The following PPP3CA variants were observed in gnomAD, a reference collection of about 807,000 sequenced individuals.
PPP3CA encodes the protein protein phosphatase 3 catalytic subunit alpha.
Under a neutral mutation model 66.5 loss-of-function variants are expected in PPP3CA, and 14 were observed. The ratio of observed to expected loss-of-function variants is 0.21; its 90% confidence interval spans 0.14 to 0.33. The LOEUF is 0.33. Among genes scored for constraint, PPP3CA ranks in the 10% least tolerant of loss-of-function variants. The pLI, the probability that PPP3CA is intolerant of heterozygous loss-of-function variation, is 1.00. For synonymous variants in PPP3CA, 232 were observed against 226.2 expected (o/e 1.03, Z -0.23); for missense variants, 317 against 639.5 (o/e 0.50, Z 5.44).
intron 8 of PPP3CA, among the ~76,000 whole-genome samples, chr4:101,077,565 T>C (rs1006687591): frequency 1.3e-5 from 2 of 152,232 alleles, no homozygotes; most frequent in South Asian, 2.1e-4. Context: ...ACATACTGTA[T>C]ACACTGTTAG....
Position 101,294,572 on chromosome 4 carries a change from T to G in PPP3CA, c.58+52167A>C, listed in dbSNP as rs900601857. Among the ~76,000 whole-genome samples, 8 of 152,240 alleles carry G rather than the reference T, an allele frequency of 5.3e-5. 1 individual carries two copies. The East Asian group carries it at 1.5e-3, about 29-fold the overall frequency. ...TTAAGGCCTATATTTGTCTCTAATA[T>G]TAGTATATTCTAAGAGTATGCTTTA... On this transcript the variant is annotated intron_variant, in intron 1 of 13. Transcript: ENST00000394854.
At position 101,142,050 on chromosome 4, in the gene PPP3CA, TAA is replaced by T. The variant is rs34130592; in HGVS notation, c.260-32974_260-32973del. 3.3e-3 allele frequency among the ~76,000 whole-genome samples: 435 copies of T among 133,036 alleles called. 3 individuals carry two copies. The highest frequency in any genetic ancestry group is 6.1e-3 in the African/African-American group (236 of 38,410). 87.3% of individuals were successfully genotyped at this position (133,036 alleles called of 152,430 possible). On this transcript the variant is annotated intron_variant, in intron 2 of 13. Transcript: ENST00000394854. ...ACACCATTTAGAGGAGGAAACAAGG[TAA>T]AAAAAAAAAAAAAAGAAGAAGTTAT...
chr4:101,137,713 A>T (rs536190312), intron 2 of PPP3CA, among the ~76,000 whole-genome samples: 3 of 151,556 alleles, frequency 2.0e-5, no homozygotes, highest in Non-Finnish European at 4.4e-5. Flanking sequence ...TTTTCACAGG[A>T]TCATCATCCT....
chr4:101,145,776 T>A (rs1407282131), intron 2 of PPP3CA, among the ~76,000 whole-genome samples: 1 of 151,998 alleles, frequency 6.6e-6, no homozygotes, highest in Admixed American at 6.6e-5. Context: ...AGAAAATCCA[T>A]GTAAATAGTG....
chr4:101,225,251 A>G (rs1357719421), intron 1 of PPP3CA, among the ~76,000 whole-genome samples: 2 of 93,546 alleles, frequency 2.1e-5, no homozygotes, highest in Non-Finnish European at 5.4e-5. Flanking sequence ...TGGAAGCTTC[A>G]TGAGCATGAA....
intron 11 of PPP3CA, among the ~76,000 whole-genome samples, chr4:101,032,796 C>T (rs1287369663): frequency 6.6e-6 from 1 of 151,950 alleles, no homozygotes; most frequent in Non-Finnish European, 1.5e-5. Flanking sequence ...AAAAACAGAG[C>T]ATATGGAGAT....
At chr4:101,250,304 C>A (rs758349411) in intron 1 of PPP3CA, 7 of 455,242 alleles carry the variant, frequency 1.5e-5, no homozygotes, top group South Asian at 1.1e-4. Context: ...AATCCAAGCT[C>A]TACTTCTTAC....
chr4:101,171,427 A>G (rs533813845), intron 2 of PPP3CA, among the ~76,000 whole-genome samples: 3 of 152,254 alleles, frequency 2.0e-5, no homozygotes, highest in South Asian at 4.2e-4. Context: ...TTGCCTGTGA[A>G]GTTCCGCTAC....
chr4:101,038,359 A>G (rs1578394287), intron 11 of PPP3CA, among the ~76,000 whole-genome samples: 2 of 149,826 alleles, frequency 1.3e-5, no homozygotes, highest in Non-Finnish European at 3.0e-5. Context: ...GTTATTTAGC[A>G]CACACTTTTT....
At chr4:101,101,357 C>T (rs532051745) in intron 3 of PPP3CA, among the ~76,000 whole-genome samples, 1 of 152,206 alleles carries the variant, frequency 6.6e-6, no homozygotes, top group East Asian at 1.9e-4. Context: ...TCAAGCTTGT[C>T]TCACATTTCA....
At chr4:101,103,593 G>A (rs965020949) in intron 3 of PPP3CA, among the ~76,000 whole-genome samples, 4 of 152,164 alleles carry the variant, frequency 2.6e-5, no homozygotes, top group African/African-American at 9.7e-5. Flanking sequence ...AACATTGTCT[G>A]GTTTGCTGTG....
intron 1 of PPP3CA, among the ~76,000 whole-genome samples, chr4:101,197,581 CATCT>C (rs1724839825): frequency 6.6e-6 from 1 of 152,146 alleles, no homozygotes; most frequent in Admixed American, 6.5e-5. Flanking sequence ...GTGAGGATTA[CATCT>C]ATCTGAGGAT....
chr4:101,092,115 T>A (rs1729980192), intron 6 of PPP3CA, among the ~76,000 whole-genome samples: 1 of 151,912 alleles, frequency 6.6e-6, no homozygotes, highest in Non-Finnish European at 1.5e-5. Context: ...GATTCCTTTC[T>A]GAAGTGTTAT....
Position 101,124,717 on chromosome 4 carries a change from GAAAGAAAGAGAAAGAAAGAAAGAA to G in PPP3CA, c.260-15663_260-15640del, listed in dbSNP as rs1722161471. Among the ~76,000 whole-genome samples, 186 of 80,696 alleles carry G rather than the reference GAAAGAAAGAGAAAGAAAGAAAGAA, an allele frequency of 2.3e-3. 1 individual carries two copies. The highest frequency in any genetic ancestry group is 2.8e-3 in the Non-Finnish European group (109 of 38,932). The allele number at this position is 80,696 out of a possible 152,430, so 52.9% of individuals were successfully genotyped here. On this transcript the variant is annotated intron_variant, in intron 2 of 13. Coordinates refer to ENST00000394854, the MANE Select transcript of PPP3CA (RefSeq NM_000944.5). ...AGAAAGAAAGAAAGAAAGAAAGAAA[GAAAGAAAGAGAAAGAAAGAAAGAA>G]AGAAAGAAAGAAAGAAAGAAAGAAA...
At position 101,041,934 on chromosome 4, in the gene PPP3CA, G is replaced by A. The variant is rs182294093; in HGVS notation, c.1157-1368C>T. Among the ~76,000 whole-genome samples the A allele has an allele frequency of 2.8e-3, 336 of 118,120 alleles. 2 individuals are homozygous for A. The highest frequency in any genetic ancestry group is 4.5e-3 in the Middle Eastern group (1 of 222). 77.5% of individuals were successfully genotyped at this position (118,120 alleles called of 152,430 possible). A position where few individuals can be genotyped will look rare whatever the true frequency, so the allele number is the denominator to read the frequency against. Reference sequence around the variant, plus strand: ...TGAGTCAAGTAATTTGCTCAGGGACGGTAGTCTATAGATGATAACTGGTAT... The same window carrying A: ...TGAGTCAAGTAATTTGCTCAGGGACAGTAGTCTATAGATGATAACTGGTAT... On this transcript the variant is annotated intron_variant, in intron 10 of 13. Transcript: ENST00000394854.
intron 2 of PPP3CA, among the ~76,000 whole-genome samples, chr4:101,186,626 T>C (rs1013794972): frequency 2.0e-5 from 3 of 152,196 alleles, no homozygotes; most frequent in African/African-American, 7.2e-5. Flanking sequence ...GCGCAAAATA[T>C]GTTCATGAAA....
At chr4:101,329,023 T>A (rs986883614) in intron 1 of PPP3CA, among the ~76,000 whole-genome samples, 2 of 145,356 alleles carry the variant, frequency 1.4e-5, no homozygotes, top group Non-Finnish European at 2.9e-5. Flanking sequence ...AGTGAAAAGT[T>A]GCACATGTTT....
At chr4:101,043,150 T>C (rs999548670) in intron 10 of PPP3CA, among the ~76,000 whole-genome samples, 6 of 152,070 alleles carry the variant, frequency 3.9e-5, no homozygotes, top group African/African-American at 1.4e-4. Flanking sequence ...CTAAGACGTC[T>C]AAAAATAAAA....
At chr4:101,281,944 A>AT (rs1268477853) in intron 1 of PPP3CA, among the ~76,000 whole-genome samples, 1 of 152,182 alleles carries the variant, frequency 6.6e-6, no homozygotes, top group Non-Finnish European at 1.5e-5. Context: ...TTCAACATAC[A>AT]TTCAGTTAGA....
Sources: gnomAD v4.1 joint callset for allele counts (sites outside exome capture counted in the v4.1 genomes callset) on GRCh38, gnomAD v4.1.1 for gene constraint, MANE v1.5 for transcripts, NCBI Gene and HGNC (gene_info 2026-07-23, HGNC 2026-07-21) for gene names.